Variants in CLCN7 observed in about 807,000 individuals in gnomAD.
CLCN7 encodes H(+)/Cl(-) exchange transporter 7.
In CLCN7, 60 loss-of-function variants were observed where a neutral mutation model predicts 102.1. The observed-to-expected ratio is 0.59, with a 90% CI of 0.48 to 0.73. The LOEUF (loss-of-function observed/expected upper bound fraction) is 0.73, where lower values mean the gene tolerates loss of function less well. CLCN7 is among the 30% of genes least tolerant of loss of function. The pLI, the probability that CLCN7 is intolerant of heterozygous loss-of-function variation, is 0.00. For missense variants in CLCN7, 962 were observed against 1,125.7 expected (o/e 0.85, Z 2.08); for synonymous variants, 560 against 490.5 (o/e 1.14, Z -1.87).
chr16:1,450,154 C>A, intron 17 of CLCN7: 2 of 384,702 alleles, frequency 5.2e-6, no homozygotes, highest in South Asian at 4.7e-5. Context: ...CAGAGAGCAG[C>A]CCTGGCCGGA....
At chr16:1,454,150 T>G (rs1029814379) in intron 13 of CLCN7, among the ~76,000 whole-genome samples, 1 of 152,252 alleles carries the variant, frequency 6.6e-6, no homozygotes, top group Non-Finnish European at 1.5e-5. Context: ...AGCAATTCTA[T>G]CTCTTACAGG....
intron 5 of CLCN7, 41 bp downstream of exon 5, chr16:1,460,775 G>A (rs1428993646): frequency 3.1e-6 from 5 of 1,613,226 alleles, no homozygotes; most frequent in Middle Eastern, 3.3e-4. Context: ...CCCAGGCCAC[G>A]CCCCCCTCCC....
chr16:1,465,130 C>G (rs1404053598), intron 2 of CLCN7, 137 bp downstream of exon 2: 1 of 760,754 alleles, frequency 1.3e-6, no homozygotes, highest in South Asian at 1.5e-5. Flanking sequence ...GGGACCATGT[C>G]CCCCCAAGGA....
chr16:1,474,800 T>G lies in CLCN7; in HGVS notation c.141+34A>C, dbSNP rs982848105. 7.7e-6 allele frequency: 10 copies of G among 1,290,434 alleles called. No homozygotes were observed. In the African/African-American group the frequency reaches 1.6e-4, roughly 20 times the overall value. The allele number at this position is 1,290,434 out of a possible 1,614,324, so 79.9% of individuals were successfully genotyped here. On this transcript the variant is annotated intron_variant, in intron 1 of 24. Transcript: ENST00000382745. ...CGCGGGCTGCGGGGCGCACGAGGGC[T>G]CAGTTTCCCCGCCTGCGCCCTGCCC...
chr16:1,449,849 G>A (rs775094712), intron 17 of CLCN7: 4 of 193,492 alleles, frequency 2.1e-5, no homozygotes, highest in South Asian at 9.8e-5. Flanking sequence ...TGAGTTTTAC[G>A]GTATTTGAAT....
chr16:1,459,626 G>C (rs1193274407), intron 6 of CLCN7, among the ~76,000 whole-genome samples: 19 of 43,466 alleles, frequency 4.4e-4, no homozygotes, highest in Non-Finnish European at 9.1e-5. Context: ...CAGGGAAGGG[G>C]AGCTCAGCAC....
At chr16:1,447,141 C>A (rs1329720442) in intron 23 of CLCN7, 55 bp from the exon 24 acceptor site, 2 of 1,491,308 alleles carry the variant, frequency 1.3e-6, no homozygotes, top group South Asian at 1.2e-5. Context: ...GCAGGCGGGA[C>A]CCTCACCCAA....
rs377652961 is a variant in CLCN7, at chr16:1,447,782, G to C, written c.2014-68C>G. The C allele has an allele frequency of 4.8e-5, 72 of 1,501,906 alleles. No individual in the cohort carries two copies. The African/African-American group carries it at 6.8e-4, about 14-fold the overall frequency. 93.0% of individuals were successfully genotyped at this position (1,501,906 alleles called of 1,614,324 possible). A position where few individuals can be genotyped will look rare whatever the true frequency, so the allele number is the denominator to read the frequency against. On this transcript the variant is annotated intron_variant, in intron 21 of 24. Coordinates refer to ENST00000382745, the MANE Select transcript of CLCN7 (RefSeq NM_001287.6). ...GGAGGCTGCGCTGGAATGCTGTGTC[G>C]GGCCCCGCTCTGACCCTGTTCCGGC...
At position 1,454,473 on chromosome 16, in the gene CLCN7, G is replaced by T. The variant is rs1188556155; in HGVS notation, c.1099-8C>A. On this transcript the variant is annotated splice_region_variant and splice_polypyrimidine_tract_variant and intron_variant, in intron 12 of 24. Transcript: ENST00000382745. ...GATCGTGTAGGCCATTTTCTGTGCA[G>T]AGAGAGGGAGAAGGCAGAGGATGTG... 3.1e-6 allele frequency: 5 copies of T among 1,613,212 alleles called. No individual in the cohort carries two copies. The highest frequency in any genetic ancestry group is 4.2e-6 in the Non-Finnish European group (5 of 1,179,664).
intron 2 of CLCN7, 94 bp from the exon 3 acceptor site, chr16:1,461,768 G>A (rs556505474): frequency 1.5e-5 from 15 of 1,014,588 alleles, no homozygotes; most frequent in East Asian, 7.3e-5. Context: ...TTATCATCCC[G>A]ACACCAAGGA....
chr16:1,453,197 G>A (rs182638217), intron 14 of CLCN7, among the ~76,000 whole-genome samples: 86 of 152,072 alleles, frequency 5.7e-4, no homozygotes, highest in Non-Finnish European at 8.5e-4. Context: ...TTTTTTAGTA[G>A]AGACGGGGTT....
chr16:1,447,794 G>A, intron 21 of CLCN7, 80 bp from the exon 22 acceptor site: 6 of 1,459,136 alleles, frequency 4.1e-6, no homozygotes, highest in Non-Finnish European at 5.6e-6. Context: ...GCCCCGCTCT[G>A]ACCCTGTTCC....
chr16:1,460,757 G>A, intron 5 of CLCN7, 59 bp downstream of exon 5: 1 of 1,612,328 alleles, frequency 6.2e-7, no homozygotes. Context: ...CTTCTGCCCG[G>A]GACTCGGCCC....
intron 1 of CLCN7, chr16:1,474,466 A>T (rs761361515): frequency 2.9e-6 from 1 of 345,446 alleles, no homozygotes; most frequent in Non-Finnish European, 5.6e-6. Flanking sequence ...AATTTTTAAA[A>T]GTCACCTGAA....
chr16:1,447,957 C>T (rs1186565416), intron 21 of CLCN7, among the ~76,000 whole-genome samples: 1 of 152,210 alleles, frequency 6.6e-6, no homozygotes, highest in Non-Finnish European at 1.5e-5. Context: ...AGCCAAGGGC[C>T]CAGGGATGGT....
At chr16:1,473,748 G>A (rs1015727340) in intron 1 of CLCN7, among the ~76,000 whole-genome samples, 20 of 152,094 alleles carry the variant, frequency 1.3e-4, no homozygotes, top group African/African-American at 4.1e-4. Context: ...TAACTGCAAA[G>A]CAGATTAAGA....
Position 1,447,701 on chromosome 16 carries a change from TG to T in CLCN7, c.2026del (p.Gln676ArgfsTer3). 1 of 1,554,498 alleles carries T rather than the reference TG, an allele frequency of 6.4e-7. No individual in the cohort carries two copies. ...HADDTQPARL[Q>X]GLILRSQLIV... ...GAGCTGGGAGCGCAGGATCAGGCCC[TG>T]GAGCCGGGCAGGCTGCAAGACAGGC... On this transcript the variant is annotated frameshift_variant, in exon 22 of 25. Coordinates refer to ENST00000382745, the MANE Select transcript of CLCN7 (RefSeq NM_001287.6). LOFTEE classifies it high-confidence loss of function.
At chr16:1,448,865 T>G (rs2038696947) in intron 19 of CLCN7, 99 bp from the exon 20 acceptor site, 1 of 1,597,490 alleles carries the variant, frequency 6.3e-7, no homozygotes, top group East Asian at 2.2e-5. Context: ...CCAGAAACCC[T>G]GAGCCTACCC....
At chr16:1,456,561 C>T (rs544328158) in intron 9 of CLCN7, among the ~76,000 whole-genome samples, 9 of 152,304 alleles carry the variant, frequency 5.9e-5, no homozygotes, top group South Asian at 4.1e-4. Context: ...CACACATGGC[C>T]GGCGCGGTGC....
Sources: gnomAD v4.1 joint callset for allele counts (sites outside exome capture counted in the v4.1 genomes callset) on GRCh38, gnomAD v4.1.1 for gene constraint, MANE v1.5 for transcripts, NCBI Gene and HGNC (gene_info 2026-07-23, HGNC 2026-07-21) for gene names.